MTCL2: variants seen among roughly 807,000 people sequenced by gnomAD.
MTCL2 encodes microtubule crosslinking factor 2, also known as microtubule cross-linking factor 2.
chr20:36,812,160 G>A, the MTCL2 span, among the ~76,000 whole-genome samples: 2 of 152,222 alleles, frequency 1.3e-5, no homozygotes, highest in African/African-American at 2.4e-5. Flanking sequence ...TCCCAGAGAT[G>A]TGTCATTATC....
chr20:36,834,176 A>G, the MTCL2 span, among the ~76,000 whole-genome samples: 1 of 151,794 alleles, frequency 6.6e-6, no homozygotes, highest in African/African-American at 2.4e-5. Context: ...AAAAAAAAAA[A>G]AAAGAAAAAA....
chr20:36,819,492 C>A, the MTCL2 span, among the ~76,000 whole-genome samples: 1 of 151,510 alleles, frequency 6.6e-6, no homozygotes, highest in Non-Finnish European at 1.5e-5. Context: ...GGGACCAGTT[C>A]TTGACATAGC....
chr20:36,819,813 A>C, the MTCL2 span, among the ~76,000 whole-genome samples: 26 of 152,298 alleles, frequency 1.7e-4, no homozygotes, highest in South Asian at 5.4e-3. Flanking sequence ...CAAATGAGGC[A>C]GGGAGGCAGA....
the MTCL2 span, chr20:36,862,919 G>C: frequency 7.5e-7 from 1 of 1,324,894 alleles, no homozygotes; most frequent in Non-Finnish European, 9.7e-7. Flanking sequence ...ACTCGGCGTC[G>C]CTGCTCAGCG....
the MTCL2 span, chr20:36,816,068 G>A: frequency 1.2e-6 from 2 of 1,613,560 alleles, no homozygotes; most frequent in Non-Finnish European, 1.7e-6. Context: ...GGCTCAGCAG[G>A]TTGGCTTCCT....
At chr20:36,783,931 C>T in the MTCL2 span, 3 of 985,468 alleles carry the variant, frequency 3.0e-6, no homozygotes, top group Non-Finnish European at 3.6e-6. Flanking sequence ...GAGGCTTCTG[C>T]AGGAACAGTG....
chr20:36,850,538 A>G, the MTCL2 span, among the ~76,000 whole-genome samples: 1 of 151,660 alleles, frequency 6.6e-6, no homozygotes, highest in Non-Finnish European at 1.5e-5. Flanking sequence ...CAAAAAAAAA[A>G]GAAAAAAAAA....
the MTCL2 span, chr20:36,782,670 A>C: frequency 1.3e-5 from 2 of 152,216 alleles, no homozygotes; most frequent in African/African-American, 4.8e-5. Flanking sequence ...AGTAGCTGGG[A>C]TTACAGGCAC....
the MTCL2 span, among the ~76,000 whole-genome samples, chr20:36,787,822 G>A: frequency 6.7e-6 from 1 of 149,384 alleles, no homozygotes; most frequent in Non-Finnish European, 1.5e-5. Flanking sequence ...GGGTGCGGAG[G>A]TTGCAGTGAG....
At chr20:36,785,511 C>T in the MTCL2 span, 1 of 985,464 alleles carries the variant, frequency 1.0e-6, no homozygotes, top group Non-Finnish European at 1.2e-6. Flanking sequence ...CTGGGCCTGA[C>T]CTGGCCAACC....
the MTCL2 span, among the ~76,000 whole-genome samples, chr20:36,854,527 G>A: frequency 6.6e-6 from 1 of 152,154 alleles, no homozygotes; most frequent in Non-Finnish European, 1.5e-5. Flanking sequence ...ACAGAGGCCG[G>A]GGTGTGTCCA....
the MTCL2 span, among the ~76,000 whole-genome samples, chr20:36,791,313 A>T: frequency 4.3e-3 from 658 of 152,278 alleles, 7 homozygotes; most frequent in African/African-American, 0.015. Flanking sequence ...GATTACAGGC[A>T]TGAGCCACCG....
At chr20:36,793,669 C>T in the MTCL2 span, 23 of 1,550,016 alleles carry the variant, frequency 1.5e-5, no homozygotes, top group South Asian at 7.1e-5. The surrounding 1 kb of genome is among the most constrained non-coding windows in gnomAD (Gnocchi z 6.8). Context: ...GGGCCCAGGC[C>T]GAGCCGTTCT....
chr20:36,843,740 G>A, the MTCL2 span, among the ~76,000 whole-genome samples: 1 of 152,190 alleles, frequency 6.6e-6, no homozygotes, highest in Non-Finnish European at 1.5e-5. Flanking sequence ...GTGATGGAAA[G>A]AATAGGAGGG....
At chr20:36,860,304 C>T in the MTCL2 span, among the ~76,000 whole-genome samples, 2 of 152,178 alleles carry the variant, frequency 1.3e-5, no homozygotes, top group African/African-American at 4.8e-5. Flanking sequence ...CCCCCACCTT[C>T]GTGTGCTCCT....
chr20:36,811,874 C>A, the MTCL2 span, among the ~76,000 whole-genome samples: 1 of 152,100 alleles, frequency 6.6e-6, no homozygotes, highest in Non-Finnish European at 1.5e-5. Context: ...TAGGACTCTG[C>A]AAGGTTCAGG....
chr20:36,788,791 T>C, the MTCL2 span, among the ~76,000 whole-genome samples: 1 of 147,296 alleles, frequency 6.8e-6, no homozygotes, highest in Non-Finnish European at 1.5e-5. Flanking sequence ...TCTTTTTTTC[T>C]TTTTCTTTTC....
the MTCL2 span, among the ~76,000 whole-genome samples, chr20:36,809,807 C>T: frequency 1.3e-5 from 2 of 152,094 alleles, no homozygotes. Context: ...CTCCTGGCCT[C>T]AAGTGATCTG....
At chr20:36,812,946 G>T in the MTCL2 span, 1 of 1,389,310 alleles carries the variant, frequency 7.2e-7, no homozygotes, top group South Asian at 1.4e-5. Flanking sequence ...TCCCTAAGAG[G>T]CTTGAACCAC....
Sources: allele counts gnomAD v4.1 joint callset (sites outside exome capture counted in the v4.1 genomes callset), GRCh38; gene constraint gnomAD v4.1.1; non-coding constraint Gnocchi (gnomAD v3.1); transcripts MANE v1.5; gene names NCBI Gene and HGNC (gene_info 2026-07-23, HGNC 2026-07-21).